CASR: variants seen among roughly 807,000 people sequenced by gnomAD.
The protein encoded by CASR is extracellular calcium-sensing receptor.
A neutral mutation model predicts 69.1 loss-of-function variants in CASR; 23 were observed. The observed-to-expected ratio is 0.33, with a 90% CI of 0.24 to 0.47. The LOEUF (loss-of-function observed/expected upper bound fraction) is 0.47, where lower values mean the gene tolerates loss of function less well. Among genes scored for constraint, CASR ranks in the 20% least tolerant of loss-of-function variants. CASR has a pLI of 1.00. For missense variants in CASR, 924 were observed against 1,356.1 expected (o/e 0.68, Z 5.00); for synonymous variants, 541 against 544.7 (o/e 0.99, Z 0.10).
chr3:122,251,197 G>T (rs1576849255), intron 1 of CASR, among the ~76,000 whole-genome samples: 1 of 152,172 alleles, frequency 6.6e-6, no homozygotes, highest in Non-Finnish European at 1.5e-5. Flanking sequence ...GGAGCAAGAG[G>T]CACCATATGA....
intron 3 of CASR, among the ~76,000 whole-genome samples, chr3:122,258,192 A>G (rs1414610025): frequency 6.6e-6 from 1 of 152,226 alleles, no homozygotes; most frequent in Non-Finnish European, 1.5e-5. Context: ...AATGGAAACA[A>G]CCTAAATGTC....
rs2107650843 is a variant in CASR, at chr3:122,284,577, A to C, written c.2623A>C (p.Ser875Arg). The C allele has an allele frequency of 6.2e-7, 1 of 1,614,150 alleles. No individual in the cohort carries two copies. Among genetic ancestry groups the C allele is most frequent in the East Asian group, 2.2e-5 (1 of 44,886 alleles). Residue 875 changes from serine to arginine, a missense_variant, in exon 7 of 7, where the codon AGC becomes CGC. Coordinates refer to ENST00000639785, the MANE Select transcript of CASR (RefSeq NM_000388.4). ...SRNTIEEVRC[S>R]TAAHAFKVAA... ...CAACACCATCGAGGAGGTGCGTTGC[A>C]GCACCGCAGCTCACGCTTTCAAGGT...
intron 2 of CASR, 31 bp downstream of exon 2, chr3:122,254,405 T>A (rs1444030834): frequency 6.2e-7 from 1 of 1,602,992 alleles, no homozygotes; most frequent in African/African-American, 1.3e-5. Flanking sequence ...TGCCAATCTC[T>A]TCTCTTCTGA....
chr3:122,212,290 C>T (rs2074075995), intron 1 of CASR, among the ~76,000 whole-genome samples: 2 of 152,152 alleles, frequency 1.3e-5, no homozygotes, highest in African/African-American at 4.8e-5. Flanking sequence ...CCATTATCCT[C>T]AGCAAACTAA....
chr3:122,283,793 G>A lies in CASR; in HGVS notation c.1839G>A (p.Gly613=), dbSNP rs1173372329. The A allele has an allele frequency of 3.1e-6, 5 of 1,613,992 alleles. No individual in the cohort carries two copies. The highest frequency in any genetic ancestry group is 2.2e-5 in the East Asian group (1 of 44,892). Residue 613 remains glycine, a synonymous_variant, in exon 7 of 7, where the codon GGG becomes GGA. Transcript: ENST00000639785. ...IEFLSWTEPF[G]IALTLFAVLG... is the part of the protein sequence containing the mutation. Reference sequence around the variant, plus strand: ...TTCTGTCGTGGACGGAGCCCTTTGGGATCGCACTCACCCTCTTTGCCGTGC... The same window carrying A: ...TTCTGTCGTGGACGGAGCCCTTTGGAATCGCACTCACCCTCTTTGCCGTGC...
intron 5 of CASR, among the ~76,000 whole-genome samples, chr3:122,278,680 G>A (rs1477048404): frequency 2.0e-5 from 3 of 152,186 alleles, no homozygotes; most frequent in Non-Finnish European, 4.4e-5. Flanking sequence ...GCTGAAGGAT[G>A]CAGTAAGCAG....
At chr3:122,282,353 C>A in intron 6 of CASR, 117 bp downstream of exon 6, 1 of 1,014,140 alleles carries the variant, frequency 9.9e-7, no homozygotes, top group Non-Finnish European at 1.6e-6. Flanking sequence ...TCTCATTTAA[C>A]AAAGGTATAT....
intron 1 of CASR, among the ~76,000 whole-genome samples, chr3:122,236,307 A>C (rs1017458753): frequency 6.6e-6 from 1 of 152,228 alleles, no homozygotes; most frequent in Middle Eastern, 3.2e-3. Flanking sequence ...GAATCTTCTC[A>C]TAGAGGCAAC....
At chr3:122,224,736 A>G (rs2074206160) in intron 1 of CASR, among the ~76,000 whole-genome samples, 1 of 152,196 alleles carries the variant, frequency 6.6e-6, no homozygotes, top group Non-Finnish European at 1.5e-5. Context: ...AATAGCCAAA[A>G]TAATCCTAAG....
intron 1 of CASR, among the ~76,000 whole-genome samples, chr3:122,242,491 A>G (rs865895115): frequency 6.6e-6 from 1 of 152,180 alleles, no homozygotes; most frequent in Non-Finnish European, 1.5e-5. Flanking sequence ...GATCTCTACA[A>G]TGAAAACTAT....
chr3:122,236,820 AGAAAAATAT>A (rs1576840120), intron 1 of CASR, among the ~76,000 whole-genome samples: 1 of 152,206 alleles, frequency 6.6e-6, no homozygotes, highest in East Asian at 1.9e-4. Context: ...AAATATATCT[AGAAAAATAT>A]GAAGTAGTCC....
rs139864640 is a variant in CASR at position 122,194,356 on chromosome 3, G to A, written c.-243+10544G>A. On this transcript the variant is annotated intron_variant, in intron 1 of 6. Transcript: ENST00000639785. ...TTTAGAGCTCCTTGAAAACAGGGCC[G>A]ATCTCATGCATCTCTGGGTCCCCCT... Among the ~76,000 whole-genome samples the A allele has an allele frequency of 8.6e-3, 1,315 of 152,146 alleles. 13 individuals carry two copies. The highest frequency in any genetic ancestry group is 0.015 in the Non-Finnish European group (995 of 67,988).
At chr3:122,218,323 CAGG>C (rs2074136998) in intron 1 of CASR, among the ~76,000 whole-genome samples, 2 of 151,772 alleles carry the variant, frequency 1.3e-5, no homozygotes, top group African/African-American at 4.8e-5. Flanking sequence ...ATCATGAGGT[CAGG>C]AGATCAAGAC....
At chr3:122,214,053 C>G (rs2107597377) in intron 1 of CASR, among the ~76,000 whole-genome samples, 1 of 152,292 alleles carries the variant, frequency 6.6e-6, no homozygotes, top group Non-Finnish European at 1.5e-5. Context: ...GCTGAAAGTG[C>G]CTGGGTTTTT....
At chr3:122,206,456 G>A (rs536985891) in intron 1 of CASR, among the ~76,000 whole-genome samples, 11 of 152,000 alleles carry the variant, frequency 7.2e-5, no homozygotes, top group African/African-American at 2.4e-4. Context: ...TTTTTTTAAT[G>A]TGTTGTTGCA....
At chr3:122,244,188 T>C (rs2074405274) in intron 1 of CASR, among the ~76,000 whole-genome samples, 1 of 152,138 alleles carries the variant, frequency 6.6e-6, no homozygotes, top group Non-Finnish European at 1.5e-5. Context: ...AATAATTGGA[T>C]TGTTTGTAAC....
At chr3:122,262,443 G>C in intron 4 of CASR, 31 bp downstream of exon 4, 3 of 1,595,158 alleles carry the variant, frequency 1.9e-6, no homozygotes, top group Non-Finnish European at 2.6e-6. Context: ...GCAATTTGCT[G>C]TATAATAAAG....
At position 122,269,001 on chromosome 3, in the gene CASR, G is replaced by A. The variant is rs551864114; in HGVS notation, c.1377+6589G>A. 3.9e-5 allele frequency among the ~76,000 whole-genome samples: 6 copies of A among 152,276 alleles called. No homozygotes were observed. The East Asian group carries it at 1.2e-3, about 29-fold the overall frequency. On this transcript the variant is annotated intron_variant, in intron 4 of 6. Coordinates refer to ENST00000639785, the MANE Select transcript of CASR (RefSeq NM_000388.4). ...AGGGTTATTGAGGCATAAAGATCCAGAAACCATTAAATTTTAAATTATTCT... is the reference window on the plus strand; with the variant it reads ...AGGGTTATTGAGGCATAAAGATCCAAAAACCATTAAATTTTAAATTATTCT...
intron 1 of CASR, among the ~76,000 whole-genome samples, chr3:122,252,737 G>C (rs1487391520): frequency 6.6e-6 from 1 of 152,126 alleles, no homozygotes; most frequent in Non-Finnish European, 1.5e-5. Context: ...TCTGTGGATG[G>C]CATGTAATCT....
Sources: gnomAD v4.1 joint callset for allele counts (sites outside exome capture counted in the v4.1 genomes callset) on GRCh38, gnomAD v4.1.1 for gene constraint, MANE v1.5 for transcripts, NCBI Gene and HGNC (gene_info 2026-07-23, HGNC 2026-07-21) for gene names.